The following TERB1 variants were observed in gnomAD, a reference collection of about 807,000 sequenced individuals.
TERB1 encodes the protein telomere repeat binding bouquet formation protein 1, also known as telomere repeats-binding bouquet formation protein 1.
Under a neutral mutation model 92.3 loss-of-function variants are expected in TERB1, and 63 were observed. That is an observed-to-expected ratio of 0.68 (90% CI 0.56 to 0.84). The LOEUF is 0.84. Ranked by LOEUF, TERB1 falls within the 40% of genes least tolerant of loss-of-function variation. TERB1 has a pLI of 0.00. For synonymous variants in TERB1, 252 were observed against 283.9 expected, an observed-to-expected ratio of 0.89 and a Z score of 1.13; for missense variants, 709 against 843.7, an observed-to-expected ratio of 0.84 and a Z score of 1.98.
intron 6 of TERB1, 135 bp from the exon 7 acceptor site, chr16:66,786,420 C>A: frequency 1.6e-6 from 1 of 622,234 alleles, no homozygotes; most frequent in South Asian, 2.4e-5. Flanking sequence ...CATAGAATTA[C>A]GGTGGATAAA....
At chr16:66,790,492 G>T (rs2018813499) in intron 5 of TERB1, 103 bp downstream of exon 5, 1 of 844,746 alleles carries the variant, frequency 1.2e-6, no homozygotes, top group South Asian at 2.6e-5. Flanking sequence ...ATTCAAACAT[G>T]TAAAAAAAAG....
intron 16 of TERB1, among the ~76,000 whole-genome samples, chr16:66,765,740 G>A (rs1020654703): frequency 3.3e-5 from 5 of 150,572 alleles, no homozygotes; most frequent in Admixed American, 6.6e-5. Context: ...TTACAGACAT[G>A]AGCCACCACA....
intron 9 of TERB1, among the ~76,000 whole-genome samples, chr16:66,782,588 A>G (rs2018655464): frequency 6.6e-6 from 1 of 151,566 alleles, no homozygotes; most frequent in African/African-American, 2.4e-5. Context: ...GTCTATACCT[A>G]CACCAAAGCC....
chr16:66,784,134 G>A (rs1221909250), intron 9 of TERB1, among the ~76,000 whole-genome samples: 1 of 152,120 alleles, frequency 6.6e-6, no homozygotes, highest in South Asian at 2.1e-4. Context: ...CAGGTAATCT[G>A]AGCTTTCTCT....
intron 11 of TERB1, among the ~76,000 whole-genome samples, chr16:66,775,709 A>AT (rs201460994): frequency 0.47 from 60,356 of 129,590 alleles, 14,753 homozygotes; most frequent in East Asian, 0.61. Context: ...TTTCAAAAGG[A>AT]TTTTTTTTTT....
At position 66,772,597 on chromosome 16, in the gene TERB1, C is replaced by T. The variant is rs1232466175; in HGVS notation, c.1264G>A (p.Gly422Arg). The change falls in exon 13 of 19, where the codon GGA (glycine) becomes AGA (arginine). Residue 422 changes from glycine (G) to arginine (R), a missense_variant. Gly to Arg is a moderately radical substitution (Grantham distance 125). Transcript: ENST00000433154. Reference sequence around the variant, plus strand: ...AAAACAAAGAATCCAACCTCATTTCCTTCTCTTTCAAGCTGTTCTATTCTG... The same window carrying T: ...AAAACAAAGAATCCAACCTCATTTCTTTCTCTTTCAAGCTGTTCTATTCTG... ...LHRIEQLERE[G>R]NEEEIQRENY... is the part of the protein sequence containing the mutation. 3 of 1,540,590 alleles carry T rather than the reference C, an allele frequency of 1.9e-6. No individual in the cohort carries two copies. The highest frequency in any genetic ancestry group is 2.8e-5 in the African/African-American group (2 of 72,298).
chr16:66,757,100 A>G (rs1479132683), intron 18 of TERB1, among the ~76,000 whole-genome samples: 4 of 152,168 alleles, frequency 2.6e-5, no homozygotes, highest in African/African-American at 9.7e-5. Flanking sequence ...TCAAGGGGGA[A>G]AAAATGGCAA....
chr16:66,778,676 C>T (rs1410881766), intron 10 of TERB1, among the ~76,000 whole-genome samples, 187 bp downstream of exon 10: 1 of 152,206 alleles, frequency 6.6e-6, no homozygotes, highest in East Asian at 1.9e-4. Flanking sequence ...CCTTGGCCTC[C>T]CAAAGTGCTG....
At chr16:66,794,863 T>A (rs2018900271) in intron 3 of TERB1, among the ~76,000 whole-genome samples, 1 of 149,648 alleles carries the variant, frequency 6.7e-6, no homozygotes, top group South Asian at 2.1e-4. Context: ...TGAGCCAAGA[T>A]CCGGCCACTG....
chr16:66,768,284 A>T (rs2018384527), intron 14 of TERB1, 116 bp from the exon 15 acceptor site: 3 of 737,318 alleles, frequency 4.1e-6, no homozygotes, highest in Non-Finnish European at 4.6e-6. Context: ...AGCAACCTGG[A>T]ATCACGATCT....
chr16:66,770,229 A>C lies in TERB1; in HGVS notation c.1353T>G (p.His451Gln). ...TGCTACCTCGACCAATCCGATCTGC[A>C]TGGAGATGTTTCCATGTATTCTGAA... The part of the protein sequence containing the change: ...ISIQNTWKHL[H>Q]ADRIGRGSKA... Residue 451 changes from histidine to glutamine, a missense_variant, in exon 14 of 19, where the codon CAT (histidine) becomes CAG (glutamine). Transcript: ENST00000433154. The C allele has an allele frequency of 6.4e-7, 1 of 1,552,308 alleles. No individual in the cohort carries two copies. The highest frequency in any genetic ancestry group is 8.7e-7 in the Non-Finnish European group (1 of 1,147,110).
At chr16:66,772,240 G>A (rs556563805) in intron 13 of TERB1, among the ~76,000 whole-genome samples, 1 of 152,300 alleles carries the variant, frequency 6.6e-6, no homozygotes, top group South Asian at 2.1e-4. Flanking sequence ...AGCATTTCGG[G>A]AGGCTAAGGC....
chr16:66,768,090 A>G lies in TERB1; in HGVS notation c.1684+14T>C, dbSNP rs1208381836. ...TGTTTTATTAAAAAACCAAAGAAAC[A>G]TTTTTAATCATACCTGTTACTGGTA... On this transcript the variant is annotated intron_variant, in intron 15 of 18. Coordinates refer to ENST00000433154, the MANE Select transcript of TERB1 (RefSeq NM_001136505.2). 1.3e-6 allele frequency: 2 copies of G among 1,538,866 alleles called. No homozygotes were observed. Among genetic ancestry groups the G allele is most frequent in the East Asian group, 4.9e-5 (2 of 40,872 alleles).
At chr16:66,778,267 A>AT (rs944192387) in intron 10 of TERB1, among the ~76,000 whole-genome samples, 184 of 147,208 alleles carry the variant, frequency 1.2e-3, no homozygotes, top group African/African-American at 2.7e-3. Flanking sequence ...AAAATTTTAA[A>AT]TTTTTTTTTT....
intron 2 of TERB1, among the ~76,000 whole-genome samples, chr16:66,797,701 A>T (rs755901263): frequency 6.6e-6 from 1 of 150,584 alleles, no homozygotes; most frequent in Admixed American, 6.6e-5. Flanking sequence ...CTAAATACTA[A>T]ATTAACAACC....
intron 3 of TERB1, among the ~76,000 whole-genome samples, chr16:66,794,909 CA>C (rs58303083): frequency 0.31 from 41,542 of 132,144 alleles, 6,792 homozygotes; most frequent in East Asian, 0.62. Context: ...GACTCCGTCT[CA>C]AAAAAAAAAA....
chr16:66,761,997 G>A (rs904056527), intron 16 of TERB1, among the ~76,000 whole-genome samples: 1 of 151,958 alleles, frequency 6.6e-6, no homozygotes, highest in South Asian at 2.1e-4. Context: ...AGACTGCAGT[G>A]AGCCGAGATC....
At chr16:66,781,516 A>ATTTT (rs1196600166) in intron 9 of TERB1, among the ~76,000 whole-genome samples, 1 of 112,082 alleles carries the variant, frequency 8.9e-6, no homozygotes. Context: ...CTGGGTACAA[A>ATTTT]TTCTTTTTTT....
Position 66,773,346 on chromosome 16 carries a change from GT to G in TERB1, c.1112-598del, listed in dbSNP as rs1207587124. Among the ~76,000 whole-genome samples, 6 of 151,668 alleles carry G rather than the reference GT, an allele frequency of 4.0e-5. No individual in the cohort carries two copies. The East Asian group carries it at 9.6e-4, about 24-fold the overall frequency. ...GAGACTTCGTCTCAAAAATAAAGTA[GT>G]TTTTTTAAAAAAATAATGTTCAAAA... On this transcript the variant is annotated intron_variant, in intron 12 of 18. Coordinates refer to ENST00000433154, the MANE Select transcript of TERB1 (RefSeq NM_001136505.2).
Sources: gnomAD v4.1 joint callset for allele counts (sites outside exome capture counted in the v4.1 genomes callset) on GRCh38, gnomAD v4.1.1 for gene constraint, MANE v1.5 for transcripts, NCBI Gene and HGNC (gene_info 2026-07-23, HGNC 2026-07-21) for gene names.